Variants in UMODL1 observed in about 807,000 individuals in gnomAD.
UMODL1 encodes uromodulin-like 1.
UMODL1 carries 128 observed loss-of-function variants against 136.3 expected under a neutral mutation model. The observed-to-expected ratio is 0.94, with a 90% CI of 0.81 to 1.09. UMODL1 has a LOEUF of 1.09. UMODL1 is among the 50% of genes least tolerant of loss of function. UMODL1 has a pLI of 0.00. For missense variants in UMODL1, 1,766 were observed against 1,725.6 expected (o/e 1.02, Z -0.41); for synonymous variants, 721 against 720.0 (o/e 1.00, Z -0.02).
intron 2 of UMODL1, among the ~76,000 whole-genome samples, chr21:42,083,643 G>A (rs1002891194): frequency 6.6e-6 from 1 of 152,208 alleles, no homozygotes; most frequent in Non-Finnish European, 1.5e-5. Flanking sequence ...TTGCACTATT[G>A]TTCCCCCACT....
intron 9 of UMODL1, among the ~76,000 whole-genome samples, chr21:42,107,594 G>A (rs750905106): frequency 5.3e-5 from 8 of 152,182 alleles, no homozygotes; most frequent in Non-Finnish European, 1.2e-4. Flanking sequence ...GTCCATTTGC[G>A]GTGGCATTAG....
chr21:42,096,897 G>C (rs979382450), intron 6 of UMODL1, among the ~76,000 whole-genome samples: 111 of 152,262 alleles, frequency 7.3e-4, no homozygotes, highest in Non-Finnish European at 7.6e-4. Context: ...ATTGTAGCCC[G>C]CCCTTCCTTT....
intron 7 of UMODL1, among the ~76,000 whole-genome samples, chr21:42,100,264 C>T (rs576605891): frequency 2.0e-5 from 3 of 152,226 alleles, no homozygotes; most frequent in South Asian, 2.1e-4. Context: ...CTCAGCAGAG[C>T]GTACAGAGCA....
intron 9 of UMODL1, among the ~76,000 whole-genome samples, chr21:42,109,052 C>T (rs220118): frequency 0.24 from 25,772 of 107,350 alleles, 4,677 homozygotes; most frequent in East Asian, 0.31. Context: ...CCACCCCCGG[C>T]GTGGAAAGCT....
In UMODL1 at chr21:42,119,194, C is replaced by T; in HGVS notation, c.2559C>T (p.Gly853=). 6.2e-7 allele frequency: 1 copy of T among 1,614,208 alleles called. No individual in the cohort carries two copies. Among genetic ancestry groups the T allele is most frequent in the Non-Finnish European group, 8.5e-7 (1 of 1,180,020 alleles). Residue 853 remains glycine, a synonymous_variant, in exon 15 of 23, where the codon GGC becomes GGT. Coordinates refer to ENST00000408910, the MANE Select transcript of UMODL1 (RefSeq NM_001004416.3). ...TGGAAGTCGTCAGCGTCACCAACGGCAGCATCGTGGTGGAGTTTCACTTGC... is the reference window on the plus strand; with the variant it reads ...TGGAAGTCGTCAGCGTCACCAACGGTAGCATCGTGGTGGAGTTTCACTTGC... The part of the protein sequence containing the change: ...VRMEVVSVTN[G]SIVVEFHLLI...
Position 42,111,035 on chromosome 21 carries a change from T to A in UMODL1, c.1813T>A (p.Trp605Arg). The change falls in exon 11 of 23, where the codon TGG (tryptophan) becomes AGG (arginine). Residue 605 changes from tryptophan (W) to arginine (R), a missense_variant. Physicochemically the swap from Trp to Arg is moderately radical, Grantham distance 101. Transcript: ENST00000408910. ...GGGCACCCCGGCAGCAGGCCAGGCC[T>A]GGACCCCAGAGCCCTCACCCAGAAG... Reference protein sequence around the residue: ...PQGTPAAGQAWTPEPSPRRGG... With the variant: ...PQGTPAAGQARTPEPSPRRGG... The A allele has an allele frequency of 1.9e-6, 3 of 1,613,312 alleles. No individual in the cohort carries two copies. The highest frequency in any genetic ancestry group is 2.2e-5 in the South Asian group (2 of 90,940).
At position 42,129,784 on chromosome 21, in the gene UMODL1, C is replaced by A. The variant is rs553343402; in HGVS notation, c.3762C>A (p.Leu1254=). 1.9e-6 allele frequency: 3 copies of A among 1,583,614 alleles called. No homozygotes were observed. The Admixed American group carries it at 5.5e-5, about 29-fold the overall frequency. ...SATHQMSWGP[L]IRSEGEPPHA... ...CACACCAGATGTCCTGGGGACCCCT[C>A]ATCCGGTCTGAAGGTGAGTTGATGA... is the stretch of plus-strand genomic sequence containing the variant. Residue 1254 remains leucine, a synonymous_variant, in exon 21 of 23, where the codon CTC becomes CTA. Transcript: ENST00000408910.
chr21:42,076,943 A>T (rs2066298602), intron 2 of UMODL1, among the ~76,000 whole-genome samples: 1 of 150,464 alleles, frequency 6.6e-6, no homozygotes, highest in African/African-American at 2.5e-5. Context: ...AGCCGTTGGG[A>T]TAGGGCAGGG....
At chr21:42,075,117 C>G (rs2066273500) in intron 1 of UMODL1, among the ~76,000 whole-genome samples, 1 of 152,112 alleles carries the variant, frequency 6.6e-6, no homozygotes, top group Admixed American at 6.5e-5. Context: ...CCAGGGTGGT[C>G]TCGATCTCCT....
chr21:42,083,689 C>T (rs2066388932), intron 2 of UMODL1, among the ~76,000 whole-genome samples: 1 of 152,280 alleles, frequency 6.6e-6, no homozygotes, highest in Non-Finnish European at 1.5e-5. Flanking sequence ...GCCCTGGGCA[C>T]CCGGCATTGT....
At chr21:42,126,162 G>A (rs540007745) in intron 17 of UMODL1, among the ~76,000 whole-genome samples, 183 bp from the exon 18 acceptor site, 1 of 152,336 alleles carries the variant, frequency 6.6e-6, no homozygotes, top group Non-Finnish European at 1.5e-5. Context: ...GGAATGAGCA[G>A]AGGCCGAGCC....
chr21:42,068,782 TTG>T (rs577870016), upstream of UMODL1, among the ~76,000 whole-genome samples: 11 of 152,126 alleles, frequency 7.2e-5, no homozygotes, highest in Non-Finnish European at 1.6e-4. This position sits in a 1 kb window ranked among gnomAD's most constrained non-coding sequence, Gnocchi z 5.5. Flanking sequence ...GTGTGTGGAC[TTG>T]TGTGAGTGTG....
Position 42,127,206 on chromosome 21 carries a change from C to T in UMODL1, c.3494C>T (p.Ala1165Val), listed in dbSNP as rs772167296. ...TGCTGGGCAACCCCGTCTAGCAACG[C>T]CCGGGACCCCATCACCTTCAGCTTC... is the stretch of plus-strand genomic sequence containing the variant. ...TECWATPSSN[A>V]RDPITFSFIN... The change falls in exon 19 of 23, where the codon GCC (alanine) becomes GTC (valine). Residue 1165 changes from alanine to valine, a missense_variant. Physicochemically the swap from Ala to Val is moderately conservative, Grantham distance 64 (BLOSUM62 0). Coordinates refer to ENST00000408910, the MANE Select transcript of UMODL1 (RefSeq NM_001004416.3). The T allele has an allele frequency of 2.9e-5, 46 of 1,613,962 alleles. No homozygotes were observed. Among genetic ancestry groups the T allele is most frequent in the Non-Finnish European group, 3.6e-5 (43 of 1,180,034 alleles).
intron 18 of UMODL1, 130 bp from the exon 19 acceptor site, chr21:42,126,876 G>T: frequency 1.2e-6 from 1 of 822,958 alleles, no homozygotes; most frequent in Non-Finnish European, 2.0e-6. Flanking sequence ...TCTCGTTTGG[G>T]GTTGAGGGGG....
chr21:42,093,235 C>T (rs1049380199), intron 6 of UMODL1, among the ~76,000 whole-genome samples: 1 of 152,080 alleles, frequency 6.6e-6, no homozygotes, highest in African/African-American at 2.4e-5. Context: ...TTTATAGAGA[C>T]AGGGTCTTAC....
chr21:42,088,530 G>C (rs370735018), intron 5 of UMODL1, 50 bp downstream of exon 5: 2 of 1,526,418 alleles, frequency 1.3e-6, no homozygotes, highest in African/African-American at 1.4e-5. Context: ...GGTGGTGCCT[G>C]AACAGCCAAA....
chr21:42,103,308 TC>T, intron 8 of UMODL1: 1 of 207,726 alleles, frequency 4.8e-6, no homozygotes, highest in South Asian at 8.9e-5. Context: ...TTCAGAGAAT[TC>T]CCTCCCTTTT....
At chr21:42,064,504 C>T (rs767031214) in intron 1 of UMODL1, among the ~76,000 whole-genome samples, 9 of 152,208 alleles carry the variant, frequency 5.9e-5, no homozygotes, top group Admixed American at 1.3e-4. Flanking sequence ...TTGTCAGCTC[C>T]GTAACTGTGT....
chr21:42,137,195 T>G (rs1277857509), intron 21 of UMODL1, among the ~76,000 whole-genome samples: 1 of 152,234 alleles, frequency 6.6e-6, no homozygotes, highest in African/African-American at 2.4e-5. Context: ...GAGGACCTGC[T>G]GGTCCCGCGC....
Sources: gnomAD v4.1 joint callset for allele counts (sites outside exome capture counted in the v4.1 genomes callset) on GRCh38, gnomAD v4.1.1 for gene constraint, Gnocchi (gnomAD v3.1) non-coding constraint, MANE v1.5 for transcripts, NCBI Gene and HGNC (gene_info 2026-07-23, HGNC 2026-07-21) for gene names.